KAZN: variants seen among roughly 807,000 people sequenced by gnomAD.
KAZN encodes kazrin.
A neutral mutation model predicts 87.4 loss-of-function variants in KAZN; 40 were observed. The ratio of observed to expected loss-of-function variants is 0.46; its 90% CI spans 0.36 to 0.60. KAZN has a LOEUF of 0.60. Among genes scored for constraint, KAZN ranks in the 20% least tolerant of loss-of-function variants. KAZN has a pLI of 0.00. For missense variants in KAZN, 898 were observed against 1,073.9 expected (o/e 0.84, Z 2.29); for synonymous variants, 466 against 458.3 (o/e 1.02, Z -0.22).
At chr1:14,117,655 C>T (rs982309698) in intron 1 of KAZN, among the ~76,000 whole-genome samples, 1 of 152,062 alleles carries the variant, frequency 6.6e-6, no homozygotes, top group Non-Finnish European at 1.5e-5. Flanking sequence ...TAAAGACAGG[C>T]ATAACCCAGA....
At chr1:14,102,022 G>C (rs1644264882) in intron 1 of KAZN, among the ~76,000 whole-genome samples, 2 of 152,122 alleles carry the variant, frequency 1.3e-5, no homozygotes, top group East Asian at 3.9e-4. Context: ...CAACTTCAAA[G>C]AAGATGAAGC....
At chr1:15,019,350 G>A (rs969928792) in intron 2 of KAZN, among the ~76,000 whole-genome samples, 2 of 152,194 alleles carry the variant, frequency 1.3e-5, no homozygotes, top group African/African-American at 4.8e-5. Context: ...TACCAGCTGG[G>A]TCAGTGTAAT....
At chr1:14,607,753 A>G (rs1677483879) in intron 1 of KAZN, among the ~76,000 whole-genome samples, 1 of 152,170 alleles carries the variant, frequency 6.6e-6, no homozygotes, top group Non-Finnish European at 1.5e-5. Flanking sequence ...TTTATGGGAA[A>G]GGGAACAGTG....
At chr1:14,021,135 C>T (rs376274253) in intron 1 of KAZN, among the ~76,000 whole-genome samples, 7 of 152,114 alleles carry the variant, frequency 4.6e-5, no homozygotes, top group South Asian at 2.1e-4. Flanking sequence ...GGAGTTGTTC[C>T]GTGCATTGTA....
At chr1:14,153,683 C>T (rs908550900) in intron 1 of KAZN, among the ~76,000 whole-genome samples, 3 of 149,992 alleles carry the variant, frequency 2.0e-5, no homozygotes, top group East Asian at 2.0e-4. Flanking sequence ...AAGGCTGAGA[C>T]GGGAGAATTG....
chr1:15,097,673 G>C (rs1193835137), intron 10 of KAZN, among the ~76,000 whole-genome samples: 1 of 152,114 alleles, frequency 6.6e-6, no homozygotes, highest in Non-Finnish European at 1.5e-5. Flanking sequence ...AGAAAAATTA[G>C]TAGGCGTGGT....
At chr1:14,222,101 T>G (rs1647113531) in intron 2 of KAZN, 1 of 152,218 alleles carries the variant, frequency 6.6e-6, no homozygotes, top group African/African-American at 2.4e-5. Flanking sequence ...ATATTTCATC[T>G]TCTCTCCTGA....
At chr1:14,491,124 A>G (rs1669625427) in intron 2 of KAZN, among the ~76,000 whole-genome samples, 1 of 152,164 alleles carries the variant, frequency 6.6e-6, no homozygotes, top group African/African-American at 2.4e-5. Context: ...ATTCCTTGTC[A>G]TGTTTATTCC....
Position 14,599,823 on chromosome 1 carries a change from A to G in KAZN, c.226+600A>G, listed in dbSNP as rs961804062. ...CAGCAGGGAGTTTAAATTTCCGCAA[A>G]TATAAACACCGAGAGCACTTTCCAG... On this transcript the variant is annotated intron_variant, in intron 1 of 14. Transcript: ENST00000376030. The surrounding 1 kb of genome is among the most constrained non-coding windows in gnomAD (Gnocchi z 4.4). Among the ~76,000 whole-genome samples the G allele has an allele frequency of 6.6e-6, 1 of 152,122 alleles. No individual in the cohort carries two copies. The highest frequency in any genetic ancestry group is 2.4e-5 in the African/African-American group (1 of 41,448).
intron 1 of KAZN, among the ~76,000 whole-genome samples, chr1:14,898,619 C>T (rs1050657795): frequency 6.6e-6 from 1 of 152,126 alleles, no homozygotes; most frequent in Non-Finnish European, 1.5e-5. Flanking sequence ...CTGGAGCCCT[C>T]GCTTGTACAC....
intron 2 of KAZN, chr1:14,222,065 AG>A (rs1647112717): frequency 6.6e-6 from 1 of 152,200 alleles, no homozygotes; most frequent in African/African-American, 2.4e-5. Flanking sequence ...CCAAATTGCC[AG>A]AAGTCCTTGT....
At chr1:15,040,846 C>T (rs1243845415) in intron 3 of KAZN, among the ~76,000 whole-genome samples, 1 of 152,094 alleles carries the variant, frequency 6.6e-6, no homozygotes, top group Non-Finnish European at 1.5e-5. Flanking sequence ...TTTCTGAAAG[C>T]TGTGCCAAAT....
chr1:14,924,269 G>T, intron 1 of KAZN: 1 of 982,346 alleles, frequency 1.0e-6, no homozygotes, highest in Non-Finnish European at 1.2e-6. Flanking sequence ...GCTCGGCTGC[G>T]CCCCGATGCG....
chr1:14,708,246 A>C (rs1395977278), intron 1 of KAZN, among the ~76,000 whole-genome samples: 2 of 152,180 alleles, frequency 1.3e-5, no homozygotes, highest in South Asian at 2.1e-4. Context: ...CCAAGTTTGC[A>C]TGGATGCCAG....
chr1:14,399,111 G>A (rs922101704), intron 2 of KAZN, among the ~76,000 whole-genome samples: 4 of 152,194 alleles, frequency 2.6e-5, no homozygotes, highest in Admixed American at 6.5e-5. Context: ...CTGCAGCCTC[G>A]ATCTCCTGAG....
chr1:14,993,621 C>T (rs554712080), intron 2 of KAZN, among the ~76,000 whole-genome samples: 1 of 152,340 alleles, frequency 6.6e-6, no homozygotes, highest in Admixed American at 6.5e-5. Context: ...CGCCACCCCC[C>T]TGCTGCCTCG....
intron 2 of KAZN, among the ~76,000 whole-genome samples, chr1:14,338,860 T>A (rs1015161434): frequency 6.6e-6 from 1 of 152,202 alleles, no homozygotes; most frequent in Non-Finnish European, 1.5e-5. Flanking sequence ...AGTTTTATGT[T>A]GCTCGTAGCT....
chr1:14,000,568 T>C (rs1008702628), intron 1 of KAZN, among the ~76,000 whole-genome samples: 1 of 152,160 alleles, frequency 6.6e-6, no homozygotes, highest in African/African-American at 2.4e-5. Flanking sequence ...ATAAGAGCTA[T>C]TTATGACAAA....
At chr1:14,430,096 C>T (rs531862915) in intron 2 of KAZN, among the ~76,000 whole-genome samples, 19 of 151,858 alleles carry the variant, frequency 1.3e-4, no homozygotes, top group African/African-American at 1.7e-4. Flanking sequence ...TTCCCCCAAA[C>T]GACCGCATGG....
Sources: allele counts gnomAD v4.1 joint callset (sites outside exome capture counted in the v4.1 genomes callset), GRCh38; gene constraint gnomAD v4.1.1; non-coding constraint Gnocchi (gnomAD v3.1); transcripts MANE v1.5; gene names NCBI Gene and HGNC (gene_info 2026-07-23, HGNC 2026-07-21).